Variants in AP1AR observed in about 807,000 individuals in gnomAD.
AP1AR encodes the protein adaptor related protein complex 1 associated regulatory protein, also known as AP-1 complex-associated regulatory protein.
A neutral mutation model predicts 46.3 loss-of-function variants in AP1AR; 29 were observed. That is an observed-to-expected ratio of 0.63 (90% CI 0.47 to 0.85). The LOEUF is 0.85. AP1AR is among the 40% of genes least tolerant of loss of function. The pLI is 0.00. For missense variants in AP1AR, 357 were observed against 356.3 expected, an observed-to-expected ratio of 1.00 and a Z score of -0.02; for synonymous variants, 122 against 122.9, an observed-to-expected ratio of 0.99 and a Z score of 0.05.
At chr4:112,241,023 C>T (rs540360434) in intron 1 of AP1AR, among the ~76,000 whole-genome samples, 42 of 152,254 alleles carry the variant, frequency 2.8e-4, no homozygotes, top group Non-Finnish European at 5.3e-4. Flanking sequence ...AACTAAAAGA[C>T]CTCTAAGGTC....
At chr4:112,246,420 C>T (rs944786148) in intron 1 of AP1AR, among the ~76,000 whole-genome samples, 3 of 152,258 alleles carry the variant, frequency 2.0e-5, no homozygotes, top group East Asian at 3.9e-4. Flanking sequence ...GCAGGAAAAT[C>T]GCTTGAACCC....
chr4:112,258,688 G>A (rs1052249424), intron 4 of AP1AR, among the ~76,000 whole-genome samples: 1 of 152,144 alleles, frequency 6.6e-6, no homozygotes, highest in Non-Finnish European at 1.5e-5. Context: ...ATTGTAAAGG[G>A]GCACAAGGAA....
chr4:112,254,789 A>G lies in AP1AR; in HGVS notation c.159+16A>G. The G allele has an allele frequency of 1.4e-6, 2 of 1,394,456 alleles. No individual in the cohort carries two copies. Among genetic ancestry groups the G allele is most frequent in the Non-Finnish European group, 1.9e-6 (2 of 1,030,200 alleles). The allele number at this position is 1,394,456 out of a possible 1,614,324, so 86.4% of individuals were successfully genotyped here. ...AAGTGATGAAGTAAGTATTTCCATAATAGTACAAAACTTGTATTTGTTTTT... is the reference window on the plus strand; with the variant it reads ...AAGTGATGAAGTAAGTATTTCCATAGTAGTACAAAACTTGTATTTGTTTTT... On this transcript the variant is annotated intron_variant, in intron 3 of 9. Transcript: ENST00000274000.
intron 1 of AP1AR, among the ~76,000 whole-genome samples, chr4:112,235,509 A>G (rs528641776): frequency 4.4e-4 from 67 of 152,340 alleles, no homozygotes; most frequent in Non-Finnish European, 8.1e-4. Flanking sequence ...AATGATTTTA[A>G]TAATAACTGA....
chr4:112,253,447 G>A lies in AP1AR; in HGVS notation c.132+191G>A, dbSNP rs937378370. 7.3e-6 allele frequency: 4 copies of A among 548,806 alleles called. No homozygotes were observed. In the South Asian group the frequency reaches 9.2e-5, roughly 13 times the overall value. The allele number at this position is 548,806 out of a possible 1,614,324, so 34.0% of individuals were successfully genotyped here. ...GAATGAGTAGGAAGAAGTTTGCAGA[G>A]GATTATGGTTCTGTTTTTCTAATAG... On this transcript the variant is annotated intron_variant, in intron 2 of 9. Coordinates refer to ENST00000274000, the MANE Select transcript of AP1AR (RefSeq NM_018569.6).
At chr4:112,261,685 C>T (rs1219911434) in intron 5 of AP1AR, among the ~76,000 whole-genome samples, 1 of 151,874 alleles carries the variant, frequency 6.6e-6, no homozygotes, top group African/African-American at 2.4e-5. Flanking sequence ...GCTTGGTGGT[C>T]ATAGTTCCAG....
At chr4:112,233,761 G>C (rs1486194780) in intron 1 of AP1AR, among the ~76,000 whole-genome samples, 1 of 152,220 alleles carries the variant, frequency 6.6e-6, no homozygotes, top group Non-Finnish European at 1.5e-5. Flanking sequence ...CAGCTCGTGA[G>C]CTTGGCAGCA....
At chr4:112,252,273 G>A (rs943560591) in intron 1 of AP1AR, among the ~76,000 whole-genome samples, 15 of 152,150 alleles carry the variant, frequency 9.9e-5, no homozygotes, top group African/African-American at 3.6e-4. Flanking sequence ...ATTCTGACCT[G>A]TCCTAACCCC....
chr4:112,272,914 C>T lies in AP1AR; in HGVS notation c.*4505C>T, dbSNP rs887701423. The stretch of plus-strand genomic sequence containing the variant: ...TTTAACTATGTAAACATGTCCTAAT[C>T]ATAATTTCTTGAGAATACAGACATC... On this transcript the variant is annotated 3_prime_UTR_variant, in exon 10 of 10. Coordinates refer to ENST00000274000, the MANE Select transcript of AP1AR (RefSeq NM_018569.6). The T allele has an allele frequency of 2.6e-5, 4 of 151,980 alleles. No individual in the cohort carries two copies. The highest frequency in any genetic ancestry group is 9.7e-5 in the African/African-American group (4 of 41,394). The allele number at this position is 151,980 out of a possible 1,614,324, so 9.4% of individuals were successfully genotyped here.
chr4:112,232,245 C>A, intron 1 of AP1AR, 71 bp downstream of exon 1: 2 of 1,220,722 alleles, frequency 1.6e-6, no homozygotes, highest in Non-Finnish European at 2.1e-6. Context: ...GAATCCCTTT[C>A]ACCGTCCCCC....
Position 112,232,085 on chromosome 4 carries a change from G to C in AP1AR, c.-7G>C. Reference sequence around the variant, plus strand: ...GAGGAGGAGCGGCGGCGCCTGGGCGGCATGCGATGGGGAACTGCTGCTGGA... The same window carrying C: ...GAGGAGGAGCGGCGGCGCCTGGGCGCCATGCGATGGGGAACTGCTGCTGGA... On this transcript the variant is annotated 5_prime_UTR_variant, in exon 1 of 10. Coordinates refer to ENST00000274000, the MANE Select transcript of AP1AR (RefSeq NM_018569.6). 1 of 1,349,754 alleles carries C rather than the reference G, an allele frequency of 7.4e-7. No individual in the cohort carries two copies. The highest frequency in any genetic ancestry group is 9.6e-7 in the Non-Finnish European group (1 of 1,042,692). 83.6% of individuals were successfully genotyped at this position (1,349,754 alleles called of 1,614,324 possible).
intron 1 of AP1AR, among the ~76,000 whole-genome samples, chr4:112,245,023 A>G (rs1019315817): frequency 1.3e-5 from 2 of 152,190 alleles, no homozygotes; most frequent in Non-Finnish European, 2.9e-5. Context: ...TTTGTACAAC[A>G]TGACCTACTT....
Position 112,231,993 on chromosome 4 carries a change from C to T in AP1AR, c.-99C>T. The stretch of plus-strand genomic sequence containing the variant: ...GGCCGGCCCGCCCTCGGTCCTTGAA[C>T]CCCATTTCGGCTCGTGCCGTGCGGA... On this transcript the variant is annotated 5_prime_UTR_variant, in exon 1 of 10. Transcript: ENST00000274000. 2 of 1,161,002 alleles carry T rather than the reference C, an allele frequency of 1.7e-6. No homozygotes were observed. Among genetic ancestry groups the T allele is most frequent in the Non-Finnish European group, 2.2e-6 (2 of 894,516 alleles). 71.9% of individuals were successfully genotyped at this position (1,161,002 alleles called of 1,614,324 possible). A position where few individuals can be genotyped will look rare whatever the true frequency, so the allele number is the denominator to read the frequency against.
chr4:112,261,551 A>G (rs1043832539), intron 5 of AP1AR, among the ~76,000 whole-genome samples: 6 of 151,238 alleles, frequency 4.0e-5, no homozygotes, highest in African/African-American at 1.5e-4. Context: ...ACTTATAATC[A>G]TAAGTGTTAA....
At chr4:112,247,592 T>C (rs1002152141) in intron 1 of AP1AR, among the ~76,000 whole-genome samples, 3 of 152,202 alleles carry the variant, frequency 2.0e-5, no homozygotes, top group Non-Finnish European at 2.9e-5. Context: ...CACACATCCT[T>C]ATATCTAATA....
At chr4:112,249,015 G>A (rs907802121) in intron 1 of AP1AR, among the ~76,000 whole-genome samples, 13 of 152,226 alleles carry the variant, frequency 8.5e-5, no homozygotes, top group Admixed American at 5.9e-4. Context: ...CTCCTGTTCC[G>A]GGTGCGGTGG....
At chr4:112,234,118 C>CA (rs1348437403) in intron 1 of AP1AR, among the ~76,000 whole-genome samples, 1 of 152,190 alleles carries the variant, frequency 6.6e-6, no homozygotes, top group African/African-American at 2.4e-5. Flanking sequence ...CTTGGCCTCC[C>CA]AAAGTGCTGG....
chr4:112,246,291 A>G (rs1026158018), intron 1 of AP1AR, among the ~76,000 whole-genome samples: 1 of 152,170 alleles, frequency 6.6e-6, no homozygotes, highest in Non-Finnish European at 1.5e-5. Flanking sequence ...AGATTGCTTG[A>G]GGCCAGGAGT....
intron 1 of AP1AR, among the ~76,000 whole-genome samples, chr4:112,232,682 A>C (rs1001005183): frequency 4.6e-5 from 7 of 152,190 alleles, no homozygotes. Flanking sequence ...GATACTGATG[A>C]ACTCTGGTAG....
Sources: allele counts gnomAD v4.1 joint callset (sites outside exome capture counted in the v4.1 genomes callset), GRCh38; gene constraint gnomAD v4.1.1; transcripts MANE v1.5; gene names NCBI Gene and HGNC (gene_info 2026-07-23, HGNC 2026-07-21).